Variants in POLK observed in about 807,000 individuals in gnomAD.
POLK encodes the protein DNA polymerase kappa.
A neutral mutation model predicts 94.0 loss-of-function variants in POLK; 76 were observed. The ratio of observed to expected loss-of-function variants is 0.81; its 90% CI spans 0.67 to 0.98. POLK has a LOEUF of 0.98. Ranked by LOEUF, POLK falls within the 50% of genes least tolerant of loss-of-function variation. The pLI is 0.00. For missense variants in POLK, 954 were observed against 1,010.1 expected (o/e 0.94, Z 0.75); for synonymous variants, 349 against 325.4 (o/e 1.07, Z -0.78).
In POLK at chr5:75,552,613, A is replaced by G; in HGVS notation, c.255+22A>G. ...ACAGGTATTAATTAAATTGTTAAAT[A>G]AAGTGGAAGCTGGTAGAATAGTAAT... On this transcript the variant is annotated intron_variant, in intron 3 of 14. Transcript: ENST00000241436. The G allele has an allele frequency of 6.9e-6, 11 of 1,585,274 alleles. No individual in the cohort carries two copies. The Middle Eastern group carries it at 1.7e-3, about 248-fold the overall frequency.
rs375203145 is a variant in POLK, at chr5:75,593,806, G to A, written c.1357-72G>A. ...TGCAGTGAGCTACAGCTGTGCCAGC[G>A]CACTCCAGCATGGACAACAGAGAGA... On this transcript the variant is annotated intron_variant, in intron 11 of 14. Coordinates refer to ENST00000241436, the Ensembl canonical transcript of POLK. 1.5e-5 allele frequency: 13 copies of A among 849,772 alleles called. No individual in the cohort carries two copies. In the African/African-American group the frequency reaches 1.6e-4, roughly 10 times the overall value. 52.6% of individuals were successfully genotyped at this position (849,772 alleles called of 1,614,324 possible).
intron 1 of POLK, among the ~76,000 whole-genome samples, chr5:75,515,313 A>G (rs1424431310): frequency 1.3e-5 from 2 of 152,238 alleles, no homozygotes; most frequent in Non-Finnish European, 2.9e-5. Context: ...CAACTTTATT[A>G]GAAATTATAA....
At chr5:75,561,816 T>C (rs1431779362) in intron 3 of POLK, among the ~76,000 whole-genome samples, 2 of 152,170 alleles carry the variant, frequency 1.3e-5, no homozygotes, top group Admixed American at 6.5e-5. Flanking sequence ...CAGATGGTTG[T>C]AGATATGTGG....
At chr5:75,522,742 CT>C (rs1768647861) in intron 1 of POLK, among the ~76,000 whole-genome samples, 1 of 151,642 alleles carries the variant, frequency 6.6e-6, no homozygotes, top group East Asian at 1.9e-4. Context: ...TGATGCAATA[CT>C]AAAATACAGA....
chr5:75,511,330 G>T (rs753522307), upstream of POLK: 3 of 1,547,048 alleles, frequency 1.9e-6, no homozygotes, highest in Admixed American at 2.0e-5. Context: ...TCCGGTGTGG[G>T]GGGGAGCAGG....
chr5:75,525,733 A>T (rs1435490761), intron 1 of POLK, among the ~76,000 whole-genome samples: 1 of 152,256 alleles, frequency 6.6e-6, no homozygotes, highest in Non-Finnish European at 1.5e-5. Flanking sequence ...ACAATGGAGC[A>T]ACATCTTTAA....
chr5:75,523,969 A>G (rs1422755484), intron 1 of POLK, among the ~76,000 whole-genome samples: 1 of 152,078 alleles, frequency 6.6e-6, no homozygotes, highest in Non-Finnish European at 1.5e-5. Context: ...GTCTCTACTA[A>G]AAATGCAAAA....
At chr5:75,521,598 T>C (rs934261077) in intron 1 of POLK, among the ~76,000 whole-genome samples, 3 of 152,220 alleles carry the variant, frequency 2.0e-5, no homozygotes, top group Non-Finnish European at 4.4e-5. Context: ...TAGTCACTGG[T>C]TCCTTGCTTT....
chr5:75,516,098 GA>G (rs1394315387), intron 1 of POLK, among the ~76,000 whole-genome samples: 1 of 151,930 alleles, frequency 6.6e-6, no homozygotes, highest in African/African-American at 2.4e-5. Context: ...TGAGTTGTTT[GA>G]GCTCCTTATA....
chr5:75,557,567 G>C (rs931347514), intron 3 of POLK, among the ~76,000 whole-genome samples: 1 of 152,146 alleles, frequency 6.6e-6, no homozygotes, highest in Non-Finnish European at 1.5e-5. Flanking sequence ...CATAAGTCCA[G>C]ATATTCCCTG....
intron 11 of POLK, among the ~76,000 whole-genome samples, chr5:75,590,701 C>T (rs964698174): frequency 6.6e-6 from 1 of 152,116 alleles, no homozygotes; most frequent in Admixed American, 6.5e-5. Flanking sequence ...TACTTCTGTA[C>T]CTCAGGAGTA....
chr5:75,568,513 C>A (rs1424327015), intron 3 of POLK, among the ~76,000 whole-genome samples: 1 of 152,162 alleles, frequency 6.6e-6, no homozygotes, highest in Admixed American at 6.5e-5. Flanking sequence ...TTGTTTATTT[C>A]TACCCCCTTT....
At chr5:75,602,452 A>G (rs1773315906), downstream of POLK, among the ~76,000 whole-genome samples, 1 of 152,244 alleles carries the variant, frequency 6.6e-6, no homozygotes, top group South Asian at 2.1e-4. Context: ...AGGAAGGGCC[A>G]GTACGTGAAG....
chr5:75,593,222 C>T (rs916923174), intron 11 of POLK, among the ~76,000 whole-genome samples: 1 of 149,376 alleles, frequency 6.7e-6, no homozygotes, highest in African/African-American at 2.5e-5. Context: ...ACCTCCATCT[C>T]CTGGCTTCAA....
At chr5:75,595,476 GC>G (rs1773028172) in intron 12 of POLK, among the ~76,000 whole-genome samples, 1 of 151,992 alleles carries the variant, frequency 6.6e-6, no homozygotes, top group Admixed American at 6.6e-5. Flanking sequence ...AGTAAAAGAA[GC>G]CAGTCTGAAA....
At chr5:75,566,548 C>T (rs762769941) in intron 3 of POLK, among the ~76,000 whole-genome samples, 9 of 152,174 alleles carry the variant, frequency 5.9e-5, no homozygotes, top group Non-Finnish European at 8.8e-5. Context: ...GTGGGAAAAG[C>T]GTAATATCTA....
chr5:75,604,799 G>C (rs1179876998), downstream of POLK, among the ~76,000 whole-genome samples: 10 of 152,134 alleles, frequency 6.6e-5, no homozygotes, highest in Admixed American at 6.5e-4. Context: ...TTTCCCTGGA[G>C]AAAAAACTGT....
At chr5:75,580,283 A>G (rs930918982) in intron 6 of POLK, among the ~76,000 whole-genome samples, 1 of 152,098 alleles carries the variant, frequency 6.6e-6, no homozygotes, top group Non-Finnish European at 1.5e-5. Flanking sequence ...ACGAGATGGG[A>G]TCAGAAAGCT....
intron 1 of POLK, among the ~76,000 whole-genome samples, chr5:75,520,117 ACTTAT>A (rs1207061948): frequency 2.6e-5 from 4 of 152,214 alleles, no homozygotes; most frequent in African/African-American, 7.2e-5. Context: ...AACAATGACA[ACTTAT>A]CTTAGATAGC....
Sources: allele counts gnomAD v4.1 joint callset (sites outside exome capture counted in the v4.1 genomes callset), GRCh38; gene constraint gnomAD v4.1.1; transcripts MANE v1.5; gene names NCBI Gene and HGNC (gene_info 2026-07-23, HGNC 2026-07-21).